The following MPDZ variants were observed in gnomAD, a reference collection of about 807,000 sequenced individuals.
MPDZ encodes multiple PDZ domain crumbs cell polarity complex component.
Under a neutral mutation model 239.1 loss-of-function variants are expected in MPDZ, and 234 were observed. The ratio of observed to expected loss-of-function variants is 0.98; its 90% CI spans 0.88 to 1.09. The LOEUF is 1.09. Ranked by LOEUF, MPDZ falls within the 50% of genes least tolerant of loss-of-function variation. The probability of loss-of-function intolerance (pLI) is 0.00; values close to 1 mark genes in which losing one functional copy is unlikely to be tolerated. For missense variants in MPDZ, 3,175 were observed against 2,510.0 expected, an observed-to-expected ratio of 1.26 and a Z score of -5.66; for synonymous variants, 1,048 against 881.3, an observed-to-expected ratio of 1.19 and a Z score of -3.35.
chr9:13,151,179 G>A (rs549653800), intron 24 of MPDZ, among the ~76,000 whole-genome samples: 1 of 152,022 alleles, frequency 6.6e-6, no homozygotes, highest in East Asian at 1.9e-4. Context: ...CAAGAATGCA[G>A]AGCGTGTGAA....
chr9:13,238,157 C>T (rs899065052), intron 3 of MPDZ, among the ~76,000 whole-genome samples: 2 of 152,168 alleles, frequency 1.3e-5, no homozygotes, highest in South Asian at 4.1e-4. Flanking sequence ...ACATAAACAA[C>T]CAAGCTGTAA....
At chr9:13,176,004 G>C in intron 20 of MPDZ, 129 bp from the exon 21 acceptor site, 2 of 1,406,530 alleles carry the variant, frequency 1.4e-6, no homozygotes, top group Middle Eastern at 1.8e-4. Flanking sequence ...ACCAAAACAA[G>C]TTCATAGGTT....
At position 13,193,195 on chromosome 9, in the gene MPDZ, T is replaced by C; in HGVS notation, c.1775A>G (p.Lys592Arg). The change falls in exon 14 of 47, where the codon AAG (lysine) becomes AGG (arginine). Residue 592 changes from lysine (K) to arginine (R), a missense_variant. Lys to Arg is a conservative substitution (Grantham distance 26). Transcript: ENST00000319217. Reference protein sequence around the residue: ...LPEGPVGHSGKLFSGDELLEV... With the variant: ...LPEGPVGHSGRLFSGDELLEV... ...CAATAGCTCGTCTCCACTGAAGAGC[T>C]TCCCGCTGTGTCCAACAGGACCCTC... The C allele has an allele frequency of 1.2e-6, 2 of 1,601,826 alleles. No individual in the cohort carries two copies. Among genetic ancestry groups the C allele is most frequent in the African/African-American group, 2.7e-5 (2 of 74,856 alleles).
intron 23 of MPDZ, among the ~76,000 whole-genome samples, chr9:13,160,071 TGGCAGACAGCATAGGTGA>T (rs1950282553): frequency 6.6e-6 from 1 of 152,172 alleles, no homozygotes; most frequent in Non-Finnish European, 1.5e-5. Flanking sequence ...AGAAAGACAC[TGGCAGACAGCATAGGTGA>T]GATTTGGATT....
chr9:13,189,546 G>A lies in MPDZ; in HGVS notation c.2155-553C>T, dbSNP rs150663056. Among the ~76,000 whole-genome samples the A allele has an allele frequency of 4.4e-3, 667 of 152,146 alleles. 8 individuals carry two copies. The highest frequency in any genetic ancestry group is 0.015 in the African/African-American group (622 of 41,514). The stretch of plus-strand genomic sequence containing the variant: ...TCAGGCCCTATGAACACAACTTCCT[G>A]GAGTCATCCAAGGTGGCTTTCTGAT... On this transcript the variant is annotated intron_variant, in intron 16 of 46. Coordinates refer to ENST00000319217, the MANE Select transcript of MPDZ (RefSeq NM_001378778.1).
At chr9:13,117,347 C>T (rs1012031116) in intron 39 of MPDZ, among the ~76,000 whole-genome samples, 1 of 151,928 alleles carries the variant, frequency 6.6e-6, no homozygotes, top group Non-Finnish European at 1.5e-5. Context: ...CTGGGTAACA[C>T]AGTGAAACCC....
chr9:13,201,089 T>A (rs574620612), intron 12 of MPDZ, among the ~76,000 whole-genome samples: 1 of 152,148 alleles, frequency 6.6e-6, no homozygotes, highest in Admixed American at 6.6e-5. Context: ...GGTGCTCTGA[T>A]GTTGGGTGTA....
chr9:13,267,374 A>G lies in MPDZ; in HGVS notation c.-58+12026T>C, dbSNP rs528483009. On this transcript the variant is annotated intron_variant, in intron 1 of 46. Transcript: ENST00000319217. ...TCCTACCAAGAGCTCCATACTTTATACCCTCATTTTCAGACAAGAAAATTG... is the reference window on the plus strand; with the variant it reads ...TCCTACCAAGAGCTCCATACTTTATGCCCTCATTTTCAGACAAGAAAATTG... Among the ~76,000 whole-genome samples the G allele has an allele frequency of 1.1e-4, 16 of 152,212 alleles. No individual in the cohort carries two copies. The East Asian group carries it at 2.9e-3, about 28-fold the overall frequency.
intron 1 of MPDZ, among the ~76,000 whole-genome samples, chr9:13,251,767 T>C (rs1211357294): frequency 5.9e-5 from 9 of 152,240 alleles, no homozygotes; most frequent in Non-Finnish European, 1.3e-4. Context: ...ACAGTACGTA[T>C]TGATTTGCCT....
chr9:13,263,154 G>A (rs1325433427), intron 1 of MPDZ, among the ~76,000 whole-genome samples: 1 of 152,068 alleles, frequency 6.6e-6, no homozygotes, highest in African/African-American at 2.4e-5. Context: ...CCAGGAAAGG[G>A]ACAAGGGAAA....
At chr9:13,189,445 G>A (rs994340202) in intron 16 of MPDZ, among the ~76,000 whole-genome samples, 7 of 151,882 alleles carry the variant, frequency 4.6e-5, no homozygotes, top group Non-Finnish European at 1.0e-4. Flanking sequence ...AGAATAGAGA[G>A]CAAGGCCATA....
intron 19 of MPDZ, among the ~76,000 whole-genome samples, chr9:13,182,899 A>G (rs554029039): frequency 6.6e-6 from 1 of 152,292 alleles, no homozygotes; most frequent in Non-Finnish European, 1.5e-5. Context: ...ATCCAGTGAC[A>G]TAAACATAAT....
intron 3 of MPDZ, among the ~76,000 whole-genome samples, chr9:13,233,176 C>A (rs1195407084): frequency 1.3e-5 from 2 of 151,872 alleles, no homozygotes; most frequent in Non-Finnish European, 2.9e-5. Context: ...ACCTTAGGAC[C>A]CAGAAATATC....
At position 13,188,828 on chromosome 9, in the gene MPDZ, C is replaced by T; in HGVS notation, c.2320G>A (p.Ala774Thr). The T allele has an allele frequency of 6.2e-7, 1 of 1,613,482 alleles. No individual in the cohort carries two copies. Among genetic ancestry groups the T allele is most frequent in the South Asian group, 1.1e-5 (1 of 91,068 alleles). ...LEEAVEALKG[A>T]PSGTVRIGVA... ...CCTATTCTCACAGTCCCTGACGGTG[C>T]TCCCTTCAGTGCTTCTACAGCTTCC... The change falls in exon 17 of 47, where the codon GCA (alanine) becomes ACA (threonine). Residue 774 changes from alanine to threonine, a missense_variant. By Grantham distance (58) the Ala-to-Thr change is moderately conservative (BLOSUM62 0). Transcript: ENST00000319217.
Position 13,115,281 on chromosome 9 carries a change from G to A in MPDZ, c.5433C>T (p.Phe1811=). ...TTTGAGATGGCCTCCTCTCTGAATG[G>A]AATGGACCAGCTTTGATTCTTCCAA... ...LEVGRIKAGP[F]HSERRPSQSS... is the part of the protein sequence containing the mutation. The change falls in exon 40 of 47, where the codon TTC becomes TTT. Residue 1811 remains phenylalanine, a synonymous_variant. Coordinates refer to ENST00000319217, the MANE Select transcript of MPDZ (RefSeq NM_001378778.1). 7 of 1,612,720 alleles carry A rather than the reference G, an allele frequency of 4.3e-6. No individual in the cohort carries two copies. Among genetic ancestry groups the A allele is most frequent in the Non-Finnish European group, 5.9e-6 (7 of 1,179,830 alleles).
chr9:13,127,983 G>T (rs978272413), intron 32 of MPDZ, among the ~76,000 whole-genome samples: 1 of 152,054 alleles, frequency 6.6e-6, no homozygotes, highest in African/African-American at 2.4e-5. Context: ...TTGGTACAGT[G>T]GGTATTTGCT....
intron 7 of MPDZ, 118 bp from the exon 8 acceptor site, chr9:13,219,886 A>C: frequency 1.1e-6 from 1 of 888,994 alleles, no homozygotes; most frequent in Non-Finnish European, 1.7e-6. Context: ...ATCAGGACAT[A>C]AAATAAAACA....
intron 27 of MPDZ, among the ~76,000 whole-genome samples, chr9:13,141,661 T>C (rs1213919470): frequency 6.6e-6 from 1 of 152,118 alleles, no homozygotes; most frequent in Admixed American, 6.6e-5. Flanking sequence ...CACAAATACT[T>C]AGAAATTATT....
Position 13,183,534 on chromosome 9 carries a change from A to C in MPDZ, c.2533T>G (p.Tyr845Asp). Residue 845 changes from tyrosine (Y) to aspartate (D), a missense_variant, in exon 19 of 47, where the codon TAC (tyrosine) becomes GAC (aspartate). Physicochemically the swap from Tyr to Asp is radical, Grantham distance 160 (BLOSUM62 -3). Coordinates refer to ENST00000319217, the MANE Select transcript of MPDZ (RefSeq NM_001378778.1). Reference sequence around the variant, plus strand: ...TAGATGCTGTCATTTTCAGGAGAGTATGGAGACTCAAATGTGGATTCATCT... The same window carrying C: ...TAGATGCTGTCATTTTCAGGAGAGTCTGGAGACTCAAATGTGGATTCATCT... ...LVDESTFESP[Y>D]SPENDSIYST... The C allele has an allele frequency of 6.2e-7, 1 of 1,612,680 alleles. No homozygotes were observed.
Sources: gnomAD v4.1 joint callset for allele counts (sites outside exome capture counted in the v4.1 genomes callset) on GRCh38, gnomAD v4.1.1 for gene constraint, MANE v1.5 for transcripts, NCBI Gene and HGNC (gene_info 2026-07-23, HGNC 2026-07-21) for gene names.